Variants in ZNF831 observed in about 807,000 individuals in gnomAD.
ZNF831 encodes chromosome 20 open reading frame 174.
Under a neutral mutation model 95.8 loss-of-function variants are expected in ZNF831, and 59 were observed. The ratio of observed to expected loss-of-function variants is 0.62; its 90% confidence interval spans 0.50 to 0.77. The LOEUF (loss-of-function observed/expected upper bound fraction) is 0.77. ZNF831 is among the 30% of genes least tolerant of loss of function. ZNF831 has a pLI of 0.00. For missense variants in ZNF831, 2,205 were observed against 2,164.0 expected, an observed-to-expected ratio of 1.02 and a Z score of -0.38; for synonymous variants, 961 against 925.5, an observed-to-expected ratio of 1.04 and a Z score of -0.70.
rs1038098232 is a variant in ZNF831, at chr20:59,177,360, C to T, written c.-37+13153C>T. On this transcript the variant is annotated intron_variant, in intron 1 of 5. Coordinates refer to ENST00000371030, the MANE Select transcript of ZNF831 (RefSeq NM_178457.3). ...AAAAAAATATTGTTGAGCAGGCTAG[C>T]GTCTGTGGGTGCAGTTCCTCTGATT... 2.6e-5 allele frequency among the ~76,000 whole-genome samples: 4 copies of T among 152,316 alleles called. No homozygotes were observed. The South Asian group carries it at 6.2e-4, about 24-fold the overall frequency.
upstream of ZNF831, among the ~76,000 whole-genome samples, chr20:59,163,201 C>A (rs1056505626): frequency 6.6e-6 from 1 of 152,090 alleles, no homozygotes; most frequent in African/African-American, 2.4e-5. Flanking sequence ...TTGGTGGCAA[C>A]TTTAGGGTTT....
At chr20:59,165,975 C>T (rs142401409) in intron 1 of ZNF831, among the ~76,000 whole-genome samples, 346 of 152,236 alleles carry the variant, frequency 2.3e-3, no homozygotes, top group African/African-American at 5.6e-3. Context: ...TGGTCTCTAA[C>T]GCTTGACCTC....
rs1983738962 is a variant in ZNF831, at chr20:59,193,001, A to C, written c.1982A>C (p.Gln661Pro). The C allele has an allele frequency of 1.3e-6, 2 of 1,576,086 alleles. No homozygotes were observed. Among genetic ancestry groups the C allele is most frequent in the Admixed American group, 1.8e-5 (1 of 55,832 alleles). The change falls in exon 2 of 6, where the codon CAG becomes CCG. Residue 661 changes from glutamine (Q) to proline (P), a missense_variant. By Grantham distance (76) the Gln-to-Pro change is moderately conservative. Coordinates refer to ENST00000371030, the MANE Select transcript of ZNF831 (RefSeq NM_178457.3). ...GGGGCAGAACTGGGCTTTCCTCTGC[A>C]GAAAGAGGCAGCAGGGAGCTCAGGC... is the stretch of plus-strand genomic sequence containing the variant. ...GSGAELGFPLQKEAAGSSGTV... is the reference protein window; with the variant it reads ...GSGAELGFPLPKEAAGSSGTV...
At chr20:59,243,611 C>G (rs1233258827) in intron 4 of ZNF831, among the ~76,000 whole-genome samples, 1 of 152,184 alleles carries the variant, frequency 6.6e-6, no homozygotes, top group Admixed American at 6.5e-5. Context: ...CTCATCCACT[C>G]ACTCCCTCCT....
chr20:59,147,312 T>G (rs766420021), intron 2 of ZNF831, among the ~76,000 whole-genome samples: 35 of 152,254 alleles, frequency 2.3e-4, no homozygotes, highest in Non-Finnish European at 7.3e-5. Context: ...ATGCACAGGC[T>G]CTGAAGGGCC....
intron 4 of ZNF831, among the ~76,000 whole-genome samples, chr20:59,244,531 T>C (rs1022876056): frequency 6.6e-6 from 1 of 152,230 alleles, no homozygotes; most frequent in Non-Finnish European, 1.5e-5. Context: ...TCTTTCCAAC[T>C]GATAACGCAA....
chr20:59,192,173 T>TCGCAGGGGC lies in ZNF831; in HGVS notation c.1157_1165dup (p.Ala386_Ala388dup), dbSNP rs1639705465. The TCGCAGGGGC allele has an allele frequency of 1.3e-6, 2 of 1,558,870 alleles. No individual in the cohort carries two copies. Among genetic ancestry groups the TCGCAGGGGC allele is most frequent in the African/African-American group, 2.8e-5 (2 of 72,206 alleles). ...GGCGGCCCGGGCCCGGGGCCAGGGGTCGCAGGGGCCGAGCCCGGGGCGCGA... is the reference window on the plus strand; with the variant it reads ...GGCGGCCCGGGCCCGGGGCCAGGGGTCGCAGGGGCCGCAGGGGCCGAGCCCGGGGCGCGA... On this transcript the variant is annotated inframe_insertion, in exon 2 of 6. Coordinates refer to ENST00000371030, the MANE Select transcript of ZNF831 (RefSeq NM_178457.3). This position sits in a 1 kb window ranked among gnomAD's most constrained non-coding sequence, Gnocchi z 5.2.
intron 1 of ZNF831, among the ~76,000 whole-genome samples, chr20:59,164,901 C>T (rs949173174): frequency 1.3e-5 from 2 of 152,116 alleles, no homozygotes; most frequent in African/African-American, 4.8e-5. Context: ...TGTTATCTAC[C>T]AAAATGCAAC....
At chr20:59,227,375 TC>T (rs1254741702) in intron 4 of ZNF831, among the ~76,000 whole-genome samples, 1 of 152,208 alleles carries the variant, frequency 6.6e-6, no homozygotes, top group Non-Finnish European at 1.5e-5. Flanking sequence ...CTCCTTAGTG[TC>T]ATAGGTGCTC....
At chr20:59,129,012 C>T (rs752583579) in intron 1 of ZNF831, among the ~76,000 whole-genome samples, 1 of 152,166 alleles carries the variant, frequency 6.6e-6, no homozygotes, top group Non-Finnish European at 1.5e-5. Flanking sequence ...GATCCGCCAG[C>T]CTTGGCCTCC....
intron 1 of ZNF831, among the ~76,000 whole-genome samples, chr20:59,173,420 G>A (rs1298710253): frequency 1.3e-5 from 2 of 152,164 alleles, no homozygotes; most frequent in Admixed American, 6.5e-5. Context: ...GACTCAAGGT[G>A]GGAATTAATG....
At chr20:59,141,232 A>AT (rs572243916) in intron 1 of ZNF831, among the ~76,000 whole-genome samples, 142 of 152,022 alleles carry the variant, frequency 9.3e-4, no homozygotes, top group Non-Finnish European at 1.8e-3. Context: ...TAATTTATTG[A>AT]TTTTTTTTCT....
At chr20:59,130,927 G>T (rs1979333662) in intron 1 of ZNF831, among the ~76,000 whole-genome samples, 1 of 152,192 alleles carries the variant, frequency 6.6e-6, no homozygotes, top group Non-Finnish European at 1.5e-5. Flanking sequence ...TTCCTCATCT[G>T]AAAGGAGGGC....
chr20:59,180,699 T>G (rs1420806742), intron 1 of ZNF831, among the ~76,000 whole-genome samples: 1 of 152,252 alleles, frequency 6.6e-6, no homozygotes, highest in Non-Finnish European at 1.5e-5. Context: ...GCAAAGGACA[T>G]GAACTCATTC....
intron 3 of ZNF831, 77 bp downstream of exon 3, chr20:59,196,082 G>A: frequency 6.5e-7 from 1 of 1,547,430 alleles, no homozygotes; most frequent in Non-Finnish European, 8.7e-7. Context: ...AGGTATCCGT[G>A]TGCTCCAGAG....
chr20:59,250,036 T>C (rs1987804890), intron 4 of ZNF831, among the ~76,000 whole-genome samples: 1 of 152,200 alleles, frequency 6.6e-6, no homozygotes, highest in Admixed American at 6.5e-5. Context: ...ACATTCATGG[T>C]ACCAGGTGTG....
chr20:59,189,265 A>G (rs993496810), intron 1 of ZNF831, among the ~76,000 whole-genome samples: 2 of 152,188 alleles, frequency 1.3e-5, no homozygotes, highest in Non-Finnish European at 2.9e-5. Flanking sequence ...TTGTCTTCTA[A>G]GAGTTTTATA....
In ZNF831 at chr20:59,254,911, T is replaced by G. The variant is rs915313406; in HGVS notation, c.*168T>G. On this transcript the variant is annotated 3_prime_UTR_variant, in exon 6 of 6. Coordinates refer to ENST00000371030, the MANE Select transcript of ZNF831 (RefSeq NM_178457.3). This position sits in a 1 kb window ranked among gnomAD's most constrained non-coding sequence, Gnocchi z 4.5. The stretch of plus-strand genomic sequence containing the variant: ...CTCCAACCAACTTCTGACCCCCAAC[T>G]CAGCCGCAGCGTTCCCCAGCTCCCC... The G allele has an allele frequency of 4.5e-6, 4 of 884,754 alleles. No individual in the cohort carries two copies. In the Admixed American group the frequency reaches 8.9e-5, roughly 20 times the overall value. The allele number at this position is 884,754 out of a possible 1,614,324, so 54.8% of individuals were successfully genotyped here.
chr20:59,181,028 C>T (rs1269362496), intron 1 of ZNF831, among the ~76,000 whole-genome samples: 2 of 152,214 alleles, frequency 1.3e-5, no homozygotes, highest in East Asian at 3.8e-4. Context: ...ACAGCCTTGT[C>T]AGCATGTGTT....
Sources: allele counts gnomAD v4.1 joint callset (sites outside exome capture counted in the v4.1 genomes callset), GRCh38; gene constraint gnomAD v4.1.1; non-coding constraint Gnocchi (gnomAD v3.1); transcripts MANE v1.5; gene names NCBI Gene and HGNC (gene_info 2026-07-23, HGNC 2026-07-21).